MTUS1: variants seen among roughly 807,000 people sequenced by gnomAD.
MTUS1 encodes microtubule associated scaffold protein 1, also known as microtubule-associated tumor suppressor 1.
In MTUS1, 109 loss-of-function variants were observed where a neutral mutation model predicts 120.8. The observed-to-expected ratio is 0.90, with a 90% CI of 0.77 to 1.06. MTUS1 has a LOEUF of 1.06. Among genes scored for constraint, MTUS1 ranks in the 50% least tolerant of loss-of-function variants. The pLI, the probability that MTUS1 is intolerant of heterozygous loss-of-function variation, is 0.00. For synonymous variants in MTUS1, 737 were observed against 550.5 expected, an observed-to-expected ratio of 1.34 and a Z score of -4.74; for missense variants, 2,210 against 1,486.3, an observed-to-expected ratio of 1.49 and a Z score of -8.01.
At position 17,753,812 on chromosome 8, in the gene MTUS1, T is replaced by A; in HGVS notation, c.1996A>T (p.Lys666Ter). The A allele has an allele frequency of 6.2e-7, 1 of 1,614,120 alleles. No individual in the cohort carries two copies. Among genetic ancestry groups the A allele is most frequent in the Non-Finnish European group, 8.5e-7 (1 of 1,180,012 alleles). The change falls in exon 2 of 15, where the codon AAG becomes TAG. Residue 666 changes from lysine (K) to a stop codon, truncating the protein, a stop_gained. Coordinates refer to ENST00000693296, the MANE Select transcript of MTUS1 (RefSeq NM_001363059.2). LOFTEE classifies it high-confidence loss of function. ...GTCCCATTTTCTTTTTCACCCTTCT[T>A]TTCAGGGCTAATCCTATCAATGTTG... is the stretch of plus-strand genomic sequence containing the variant. ...VPNIDRISPE[K>*]KGEKENGTSM...
intron 7 of MTUS1, chr8:17,681,685 T>A (rs1363066793): frequency 1.9e-5 from 3 of 154,708 alleles, no homozygotes; most frequent in African/African-American, 4.8e-5. Flanking sequence ...TTCTCCTCCA[T>A]CTCTTTATGT....
intron 6 of MTUS1, among the ~76,000 whole-genome samples, chr8:17,696,866 G>A (rs1369921522): frequency 2.0e-5 from 3 of 150,662 alleles, no homozygotes; most frequent in Non-Finnish European, 3.0e-5. Context: ...AATGAAAAAC[G>A]ATGGGAACCT....
chr8:17,750,708 A>T (rs58952254), intron 2 of MTUS1, among the ~76,000 whole-genome samples: 14,895 of 152,216 alleles, frequency 0.098, 818 homozygotes, highest in South Asian at 0.16. Context: ...GGCCCATTAA[A>T]TGGCATAATA....
Position 17,649,948 on chromosome 8 carries a change from G to T in MTUS1, c.3399C>A (p.Ile1133=). Residue 1133 remains isoleucine (I), a synonymous_variant, in exon 13 of 15, where the codon ATC becomes ATA. Coordinates refer to ENST00000693296, the MANE Select transcript of MTUS1 (RefSeq NM_001363059.2). The part of the protein sequence containing the change: ...REKANLKNPQ[I]MYLEQELESL... ...TTTCTAACTCCTGTTCTAGATACATGATCTGAGGATTTTTCTGGAAAGGAC... is the reference window on the plus strand; with the variant it reads ...TTTCTAACTCCTGTTCTAGATACATTATCTGAGGATTTTTCTGGAAAGGAC... The T allele has an allele frequency of 6.3e-7, 1 of 1,596,290 alleles. No individual in the cohort carries two copies. Among genetic ancestry groups the T allele is most frequent in the Non-Finnish European group, 8.6e-7 (1 of 1,164,126 alleles).
At chr8:17,652,308 T>A (rs574871809) in intron 12 of MTUS1, among the ~76,000 whole-genome samples, 1 of 152,136 alleles carries the variant, frequency 6.6e-6, no homozygotes, top group Admixed American at 6.5e-5. Context: ...TATTCATCCA[T>A]AAAAAGAAAT....
chr8:17,749,018 C>G (rs1026504001), intron 2 of MTUS1, among the ~76,000 whole-genome samples: 1 of 152,142 alleles, frequency 6.6e-6, no homozygotes, highest in Non-Finnish European at 1.5e-5. Context: ...TCTAAGCCCC[C>G]CAACCATCTG....
chr8:17,677,674 C>A (rs1433042041), intron 7 of MTUS1, among the ~76,000 whole-genome samples: 2 of 152,166 alleles, frequency 1.3e-5, no homozygotes, highest in Non-Finnish European at 2.9e-5. Flanking sequence ...ACGTTCCTGT[C>A]CTTAATGCCT....
chr8:17,670,731 G>C (rs1355301203), intron 8 of MTUS1, among the ~76,000 whole-genome samples: 3 of 152,090 alleles, frequency 2.0e-5, no homozygotes, highest in Non-Finnish European at 4.4e-5. Context: ...GCTGAGGCAG[G>C]AGAACTGCTT....
intron 1 of MTUS1, among the ~76,000 whole-genome samples, chr8:17,769,541 A>G (rs113115210): frequency 0.015 from 2,195 of 145,900 alleles, 32 homozygotes; most frequent in African/African-American, 0.032. Flanking sequence ...TAGAGACGGG[A>G]TTTCACCGCG....
At position 17,653,190 on chromosome 8, in the gene MTUS1, T is replaced by C. The variant is rs1379856767; in HGVS notation, c.3380A>G (p.Asn1127Ser). The change falls in exon 12 of 15, where the codon AAT becomes AGT. Residue 1127 changes from asparagine (N) to serine (S), a missense_variant. By Grantham distance (46) the Asn-to-Ser change is conservative. Coordinates refer to ENST00000693296, the MANE Select transcript of MTUS1 (RefSeq NM_001363059.2). ...EQKRRAREKANLKNPQIMYLE... is the reference protein window; with the variant it reads ...EQKRRAREKASLKNPQIMYLE... ...AAAGGAGCACACACAACTTACCAAA[T>C]TTGCTTTTTCTCTTGCTCTTCTTTT... is the stretch of plus-strand genomic sequence containing the variant. 6.5e-7 allele frequency: 1 copy of C among 1,531,098 alleles called. No homozygotes were observed. Among genetic ancestry groups the C allele is most frequent in the Admixed American group, 2.5e-5 (1 of 40,280 alleles). The allele number at this position is 1,531,098 out of a possible 1,614,324, so 94.8% of individuals were successfully genotyped here.
In MTUS1 at chr8:17,789,406, TG is replaced by T; in HGVS notation, c.-155+11654del. Among the ~76,000 whole-genome samples, 2 of 152,258 alleles carry T rather than the reference TG, an allele frequency of 1.3e-5. 1 individual carries two copies. The highest frequency in any genetic ancestry group is 1.3e-4 in the Admixed American group (2 of 15,294). On this transcript the variant is annotated intron_variant, in intron 1 of 14. Coordinates refer to ENST00000693296, the MANE Select transcript of MTUS1 (RefSeq NM_001363059.2). Reference sequence around the variant, plus strand: ...GGTAGCTCAGACTGTTTGAGGGACGTGGGGGTAGATCGCGTGGGCAGGGCAG... The same window carrying T: ...GGTAGCTCAGACTGTTTGAGGGACGTGGGGTAGATCGCGTGGGCAGGGCAG...
rs1586489005 is a variant in MTUS1 at position 17,801,084 on chromosome 8, G to A, written c.-178C>T. Among the ~76,000 whole-genome samples, 1 of 152,150 alleles carries A rather than the reference G, an allele frequency of 6.6e-6. No homozygotes were observed. The highest frequency in any genetic ancestry group is 6.5e-5 in the Admixed American group (1 of 15,306). ...ACCCGCAGCTCCTTCAAGCGCTCCGGGAGCAAAGACGCAGAGGCGGGGAGG... is the reference window on the plus strand; with the variant it reads ...ACCCGCAGCTCCTTCAAGCGCTCCGAGAGCAAAGACGCAGAGGCGGGGAGG... On this transcript the variant is annotated 5_prime_UTR_variant, in exon 1 of 15. Transcript: ENST00000693296.
chr8:17,745,012 G>A (rs955509021), intron 2 of MTUS1, among the ~76,000 whole-genome samples: 1 of 152,128 alleles, frequency 6.6e-6, no homozygotes. Flanking sequence ...CAAACACCTA[G>A]GCACATGTTC....
At chr8:17,709,677 ATAGTC>A (rs778162955) in intron 6 of MTUS1, among the ~76,000 whole-genome samples, 9 of 152,116 alleles carry the variant, frequency 5.9e-5, no homozygotes, top group South Asian at 2.1e-4. Flanking sequence ...ACACTACACT[ATAGTC>A]TAGTGTGCAA....
chr8:17,769,549 G>A (rs1160560942), intron 1 of MTUS1, among the ~76,000 whole-genome samples: 3 of 151,022 alleles, frequency 2.0e-5, no homozygotes, highest in Admixed American at 6.6e-5. Flanking sequence ...GGATTTCACC[G>A]CGTTAGCCAG....
At position 17,715,688 on chromosome 8, in the gene MTUS1, T is replaced by C. The variant is rs111670970; in HGVS notation, c.2584+79A>G. 2.7e-4 allele frequency: 376 copies of C among 1,371,708 alleles called. 2 individuals are homozygous for C. The highest frequency in any genetic ancestry group is 2.7e-3 in the African/African-American group (185 of 68,498). The allele number at this position is 1,371,708 out of a possible 1,614,324, so 85.0% of individuals were successfully genotyped here. ...ATTGTTGACTATACCATAAACCTAATTGTCAAAATTTAACTTTCTACAAGC... is the reference window on the plus strand; with the variant it reads ...ATTGTTGACTATACCATAAACCTAACTGTCAAAATTTAACTTTCTACAAGC... On this transcript the variant is annotated intron_variant, in intron 5 of 14. Coordinates refer to ENST00000693296, the MANE Select transcript of MTUS1 (RefSeq NM_001363059.2).
At chr8:17,661,698 C>T (rs1047447560) in intron 8 of MTUS1, among the ~76,000 whole-genome samples, 15 of 149,384 alleles carry the variant, frequency 1.0e-4, no homozygotes, top group African/African-American at 3.2e-4. Context: ...AGAGAGGACA[C>T]ATGGGAAGAA....
chr8:17,735,179 C>T (rs2046842561), intron 3 of MTUS1, among the ~76,000 whole-genome samples: 1 of 152,156 alleles, frequency 6.6e-6, no homozygotes, highest in East Asian at 1.9e-4. Flanking sequence ...CTCTGAGGTG[C>T]TTCCCAGTCT....
intron 6 of MTUS1, among the ~76,000 whole-genome samples, chr8:17,694,108 A>G (rs1273728100): frequency 1.3e-5 from 2 of 152,186 alleles, no homozygotes; most frequent in Admixed American, 1.3e-4. Context: ...GGTTTTTTAA[A>G]TAGAGACAGG....
Sources: allele counts gnomAD v4.1 joint callset (sites outside exome capture counted in the v4.1 genomes callset), GRCh38; gene constraint gnomAD v4.1.1; transcripts MANE v1.5; gene names NCBI Gene and HGNC (gene_info 2026-07-23, HGNC 2026-07-21).